Variants in SGIP1 observed in about 807,000 individuals in gnomAD.
SGIP1 encodes the protein SH3-containing GRB2-like protein 3-interacting protein 1.
SGIP1 carries 38 observed loss-of-function variants against 107.5 expected under a neutral mutation model. That is an observed-to-expected ratio of 0.35 (90% CI 0.27 to 0.46). SGIP1 has a LOEUF of 0.46. Ranked by LOEUF, SGIP1 falls within the 20% of genes least tolerant of loss-of-function variation. SGIP1 has a pLI of 1.00. For missense variants in SGIP1, 929 were observed against 1,019.5 expected, an observed-to-expected ratio of 0.91 and a Z score of 1.21; for synonymous variants, 365 against 366.1, an observed-to-expected ratio of 1.00 and a Z score of 0.03.
At chr1:66,656,440 T>C (rs373656328) in intron 7 of SGIP1, among the ~76,000 whole-genome samples, 15 of 152,172 alleles carry the variant, frequency 9.9e-5, no homozygotes, top group East Asian at 7.7e-4. Flanking sequence ...TATAATCAAG[T>C]ATTTGTACTT....
intron 17 of SGIP1, among the ~76,000 whole-genome samples, chr1:66,691,992 C>G (rs1024380705): frequency 2.0e-5 from 3 of 152,046 alleles, no homozygotes; most frequent in African/African-American, 7.2e-5. Flanking sequence ...AACCCCATCT[C>G]TACTAAAAAT....
In SGIP1 at chr1:66,740,772, T is replaced by C. The variant is rs1350406616; in HGVS notation, c.2299+50T>C. ...ATTTAACATGTAAAGCTAAAATGGC[T>C]TTAGGTATTTGCCAACTATTACCCA... On this transcript the variant is annotated intron_variant, in intron 23 of 24. Transcript: ENST00000371037. The C allele has an allele frequency of 3.8e-6, 5 of 1,302,980 alleles. No individual in the cohort carries two copies. The Admixed American group carries it at 7.8e-5, about 20-fold the overall frequency. 80.7% of individuals were successfully genotyped at this position (1,302,980 alleles called of 1,614,324 possible).
rs759000313 is a variant in SGIP1 at position 66,739,507 on chromosome 1, A to T, written c.2204A>T (p.Lys735Met). The T allele has an allele frequency of 1.9e-6, 3 of 1,614,010 alleles. No individual in the cohort carries two copies. Among genetic ancestry groups the T allele is most frequent in the Non-Finnish European group, 2.5e-6 (3 of 1,180,024 alleles). Reference sequence around the variant, plus strand: ...GTCCCCATCGACGGAGGAGTCACCAAGCTCCAGGCAGTGCTCCCACCAGCA... The same window carrying T: ...GTCCCCATCGACGGAGGAGTCACCATGCTCCAGGCAGTGCTCCCACCAGCA... ...FLVPIDGGVTKLQAVLPPAVW... is the reference protein window; with the variant it reads ...FLVPIDGGVTMLQAVLPPAVW... Residue 735 changes from lysine to methionine, a missense_variant, in exon 22 of 25, where the codon AAG (lysine) becomes ATG (methionine). Physicochemically the swap from Lys to Met is moderately conservative, Grantham distance 95. Around this residue, in one of 2 missense-constraint regions of SGIP1, gnomAD observed 341 missense variants for 430.9 expected, o/e 0.79. Coordinates refer to ENST00000371037, the MANE Select transcript of SGIP1 (RefSeq NM_032291.4).
At chr1:66,707,616 T>C (rs1169570374) in intron 18 of SGIP1, among the ~76,000 whole-genome samples, 1 of 152,210 alleles carries the variant, frequency 6.6e-6, no homozygotes, top group Non-Finnish European at 1.5e-5. Flanking sequence ...AGTCATAACC[T>C]ACTTGTTTCA....
intron 13 of SGIP1, among the ~76,000 whole-genome samples, chr1:66,678,348 G>A (rs78361666): frequency 0.041 from 6,189 of 152,226 alleles, 416 homozygotes; most frequent in African/African-American, 0.14. Flanking sequence ...TGAGTCTTAC[G>A]TGCTGTGGTT....
At chr1:66,613,691 ATCTTCATGTCAC>A (rs930801246) in intron 1 of SGIP1, among the ~76,000 whole-genome samples, 7 of 152,160 alleles carry the variant, frequency 4.6e-5, no homozygotes, top group African/African-American at 1.4e-4. Flanking sequence ...TGGCAACCTC[ATCTTCATGTCAC>A]TCTTCACCTC....
At chr1:66,575,924 A>C (rs1346119703) in intron 1 of SGIP1, among the ~76,000 whole-genome samples, 2 of 152,204 alleles carry the variant, frequency 1.3e-5, no homozygotes, top group Non-Finnish European at 2.9e-5. Flanking sequence ...AGGCTTCAGT[A>C]GCAGTTTCGT....
At chr1:66,582,396 A>G (rs1326372871) in intron 1 of SGIP1, among the ~76,000 whole-genome samples, 1 of 152,082 alleles carries the variant, frequency 6.6e-6, no homozygotes, top group Non-Finnish European at 1.5e-5. Flanking sequence ...GATACTTTGT[A>G]TGAAAACAGG....
chr1:66,639,059 A>G (rs1180377907), intron 4 of SGIP1, among the ~76,000 whole-genome samples: 2 of 152,206 alleles, frequency 1.3e-5, no homozygotes, highest in African/African-American at 4.8e-5. Context: ...TCATGGTTGT[A>G]CTAGGGGACA....
chr1:66,646,437 TATTC>T (rs1223518476), intron 7 of SGIP1, among the ~76,000 whole-genome samples: 1 of 152,140 alleles, frequency 6.6e-6, no homozygotes, highest in East Asian at 1.9e-4. Context: ...AATAATAAAT[TATTC>T]ATAACAATGG....
In SGIP1 at chr1:66,673,274, G is replaced by T. The variant is rs748292522; in HGVS notation, c.561-7G>T. The T allele has an allele frequency of 6.2e-7, 1 of 1,613,662 alleles. No individual in the cohort carries two copies. Among genetic ancestry groups the T allele is most frequent in the Non-Finnish European group, 8.5e-7 (1 of 1,179,890 alleles). On this transcript the variant is annotated splice_polypyrimidine_tract_variant and splice_region_variant and intron_variant, in intron 11 of 24. Coordinates refer to ENST00000371037, the MANE Select transcript of SGIP1 (RefSeq NM_032291.4). ...CCCTGTATTTTGCCTTAATGTGTGT[G>T]ATTTAGCAAAAAGCCTCCAGATGAC...
chr1:66,733,925 T>C, intron 21 of SGIP1, 45 bp downstream of exon 21: 1 of 1,578,518 alleles, frequency 6.3e-7, no homozygotes, highest in Non-Finnish European at 8.6e-7. Context: ...ATGACATATT[T>C]GTTTTCTAAA....
At chr1:66,728,695 G>A (rs481681) in intron 19 of SGIP1, among the ~76,000 whole-genome samples, 60,510 of 151,556 alleles carry the variant, frequency 0.4, 12,915 homozygotes, top group African/African-American at 0.48. Context: ...AAGACACAGA[G>A]TCAACCTAAA....
At chr1:66,714,518 C>T (rs776556056) in intron 18 of SGIP1, among the ~76,000 whole-genome samples, 2 of 152,136 alleles carry the variant, frequency 1.3e-5, no homozygotes, top group African/African-American at 4.8e-5. Context: ...CCATCTTGTA[C>T]ATGGTAGTGT....
chr1:66,625,258 G>T (rs1198388519), intron 1 of SGIP1, among the ~76,000 whole-genome samples: 1 of 152,162 alleles, frequency 6.6e-6, no homozygotes, highest in East Asian at 1.9e-4. Flanking sequence ...AATAGAAAAA[G>T]CATTTCAACT....
In SGIP1 at chr1:66,748,674, AC is replaced by A. The variant is rs2094585317; in HGVS notation, c.*5580del. On this transcript the variant is annotated 3_prime_UTR_variant, in exon 25 of 25. Transcript: ENST00000371037. ...CTTGTAAAAAATGTTTTGGCAAAAA[AC>A]AAATATATTTTTAAATGTCCCGTAA... 6.6e-6 allele frequency among the ~76,000 whole-genome samples: 1 copy of A among 152,038 alleles called. No individual in the cohort carries two copies. The highest frequency in any genetic ancestry group is 2.4e-5 in the African/African-American group (1 of 41,446).
chr1:66,535,969 C>A (rs974770956), intron 1 of SGIP1, among the ~76,000 whole-genome samples: 1 of 152,184 alleles, frequency 6.6e-6, no homozygotes, highest in African/African-American at 2.4e-5. Context: ...GAATTGGATG[C>A]TCTTTCTTTT....
At chr1:66,562,461 T>C (rs2059093501) in intron 1 of SGIP1, among the ~76,000 whole-genome samples, 1 of 151,778 alleles carries the variant, frequency 6.6e-6, no homozygotes, top group Non-Finnish European at 1.5e-5. Flanking sequence ...AGAGGGAGTA[T>C]ATGAACAATA....
chr1:66,687,335 A>C (rs2088638234), intron 15 of SGIP1, among the ~76,000 whole-genome samples: 1 of 151,010 alleles, frequency 6.6e-6, no homozygotes, highest in Admixed American at 6.6e-5. Context: ...TTCACTGTTT[A>C]AAGATTTATT....
Sources: gnomAD v4.1 joint callset for allele counts (sites outside exome capture counted in the v4.1 genomes callset) on GRCh38, gnomAD v4.1.1 for gene constraint, gnomAD v4.1.1 regional missense constraint, MANE v1.5 for transcripts, NCBI Gene and HGNC (gene_info 2026-07-23, HGNC 2026-07-21) for gene names.